POLD3: variants seen among roughly 807,000 people sequenced by gnomAD.
The protein encoded by POLD3 is DNA polymerase delta subunit 3.
POLD3 carries 19 observed loss-of-function variants against 58.2 expected under a neutral mutation model. The observed-to-expected ratio is 0.33, with a 90% CI of 0.23 to 0.48. The LOEUF (loss-of-function observed/expected upper bound fraction) is 0.48, where lower values mean the gene tolerates loss of function less well. POLD3 is among the 20% of genes least tolerant of loss of function. The pLI, the probability that POLD3 is intolerant of heterozygous loss-of-function variation, is 0.99. For synonymous variants in POLD3, 172 were observed against 193.5 expected (o/e 0.89, Z 0.92); for missense variants, 504 against 545.5 (o/e 0.92, Z 0.76).
rs1456446606 is a variant in POLD3, at chr11:74,640,754, C to A, written c.1389C>A (p.Phe463Leu). 2 of 1,589,104 alleles carry A rather than the reference C, an allele frequency of 1.3e-6. No homozygotes were observed. The highest frequency in any genetic ancestry group is 2.7e-5 in the African/African-American group (2 of 73,464). ...ANRQVSITGF[F>L]QRK ...GACAGGTGTCCATTACTGGCTTCTT[C>A]CAGAGGAAATAAACTGCCATCTCTG... Residue 463 changes from phenylalanine to leucine, a missense_variant, in exon 12 of 12, where the codon TTC becomes TTA. By Grantham distance (22) the Phe-to-Leu change is conservative (BLOSUM62 0). Coordinates refer to ENST00000263681, the MANE Select transcript of POLD3 (RefSeq NM_006591.3).
chr11:74,640,479 G>T, intron 11 of POLD3, 85 bp from the exon 12 acceptor site: 1 of 1,434,252 alleles, frequency 7.0e-7, no homozygotes, highest in Non-Finnish European at 9.2e-7. Flanking sequence ...AGTCTGAAAT[G>T]ATTGGGGTTA....
At chr11:74,595,289 G>A (rs1362742841) in intron 2 of POLD3, 1 of 149,150 alleles carries the variant, frequency 6.7e-6, no homozygotes, top group African/African-American at 2.5e-5. Flanking sequence ...CACCACACCT[G>A]GCAAAAACTT....
chr11:74,617,811 T>C (rs567303339), intron 5 of POLD3, among the ~76,000 whole-genome samples: 7 of 152,334 alleles, frequency 4.6e-5, no homozygotes, highest in African/African-American at 1.7e-4. Flanking sequence ...CTTGACCTCC[T>C]GGATTCAGGT....
At position 74,641,128 on chromosome 11, in the gene POLD3, G is replaced by C; in HGVS notation, c.*362G>C. The C allele has an allele frequency of 2.0e-6, 2 of 997,476 alleles. No homozygotes were observed. Among genetic ancestry groups the C allele is most frequent in the Non-Finnish European group, 2.4e-6 (2 of 838,260 alleles). The allele number at this position is 997,476 out of a possible 1,614,324, so 61.8% of individuals were successfully genotyped here. ...ATGCCCTGGTCCGCATATGGCACAGGAATTATTCCTTCTTGTTCCTCTGTA... is the reference window on the plus strand; with the variant it reads ...ATGCCCTGGTCCGCATATGGCACAGCAATTATTCCTTCTTGTTCCTCTGTA... On this transcript the variant is annotated 3_prime_UTR_variant, in exon 12 of 12. Transcript: ENST00000263681.
chr11:74,597,027 T>C (rs1372979851), intron 2 of POLD3, among the ~76,000 whole-genome samples: 2 of 152,252 alleles, frequency 1.3e-5, no homozygotes, highest in Non-Finnish European at 2.9e-5. Flanking sequence ...ATTCCATATC[T>C]TGGCTGTTGT....
chr11:74,640,969 C>A lies in POLD3; in HGVS notation c.*203C>A. 1 of 1,256,490 alleles carries A rather than the reference C, an allele frequency of 8.0e-7. No homozygotes were observed. The allele number at this position is 1,256,490 out of a possible 1,614,324, so 77.8% of individuals were successfully genotyped here. On this transcript the variant is annotated 3_prime_UTR_variant, in exon 12 of 12. Transcript: ENST00000263681. ...GAAGCAGGAGGCAAAAAGCTGTTAC[C>A]TTCTAATGACATTTAAAAAGCACAG... is the stretch of plus-strand genomic sequence containing the variant.
At chr11:74,597,916 A>G (rs2031335250) in intron 2 of POLD3, among the ~76,000 whole-genome samples, 1 of 152,148 alleles carries the variant, frequency 6.6e-6, no homozygotes, top group African/African-American at 2.4e-5. Context: ...TCTTTATAAA[A>G]AGTTTTTTTA....
chr11:74,664,508 T>G (rs2033242800), intron 4 of POLD3, among the ~76,000 whole-genome samples: 1 of 152,036 alleles, frequency 6.6e-6, no homozygotes, highest in Non-Finnish European at 1.5e-5. Flanking sequence ...CTTCCAAAAA[T>G]TAGAAGAGGA....
At chr11:74,596,315 C>A (rs766717311) in intron 2 of POLD3, among the ~76,000 whole-genome samples, 5 of 151,394 alleles carry the variant, frequency 3.3e-5, no homozygotes, top group Non-Finnish European at 7.4e-5. Context: ...TCCGAGGTAG[C>A]TGGGACTACA....
At chr11:74,613,165 G>A (rs2031971583) in intron 5 of POLD3, among the ~76,000 whole-genome samples, 155 bp downstream of exon 5, 1 of 151,978 alleles carries the variant, frequency 6.6e-6, no homozygotes, top group Admixed American at 6.6e-5. Flanking sequence ...ACATCATAAG[G>A]TGAAAAATAG....
chr11:74,611,475 T>C, intron 3 of POLD3, 24 bp from the exon 4 acceptor site: 3 of 1,431,518 alleles, frequency 2.1e-6, no homozygotes, highest in Non-Finnish European at 2.9e-6. Context: ...CATTAAGCAC[T>C]AATAAAGTGT....
chr11:74,639,688 A>G (rs1325202736), intron 11 of POLD3, among the ~76,000 whole-genome samples: 2 of 152,188 alleles, frequency 1.3e-5, no homozygotes, highest in Non-Finnish European at 2.9e-5. Context: ...GGAAGCCACT[A>G]TCTGTGCCTG....
At chr11:74,610,595 A>C (rs1415763970) in intron 3 of POLD3, among the ~76,000 whole-genome samples, 1 of 150,426 alleles carries the variant, frequency 6.6e-6, no homozygotes, top group East Asian at 1.9e-4. Context: ...TGTAAGTTGC[A>C]GTTTTTTTCC....
chr11:74,595,793 T>A (rs1183338220), intron 2 of POLD3, among the ~76,000 whole-genome samples: 1 of 152,102 alleles, frequency 6.6e-6, no homozygotes, highest in African/African-American at 2.4e-5. Context: ...AATTTTTAAA[T>A]TTTTTGTAGA....
intron 10 of POLD3, among the ~76,000 whole-genome samples, chr11:74,635,684 AAAAC>A (rs906310310): frequency 1.3e-4 from 20 of 152,222 alleles, no homozygotes; most frequent in African/African-American, 4.8e-4. Context: ...TTGTCTCTAA[AAAAC>A]AAACAAACAA....
In POLD3 at chr11:74,624,163, C is replaced by T. The variant is rs183784115; in HGVS notation, c.734-1245C>T. Among the ~76,000 whole-genome samples, 63 of 152,252 alleles carry T rather than the reference C, an allele frequency of 4.1e-4. 1 individual carries two copies. In the South Asian group the frequency reaches 6.6e-3, roughly 16 times the overall value. ...AAAATTTGCATAAATTTTAAAGCTA[C>T]ACATGTGACTCCAGTGAACTGTATT... On this transcript the variant is annotated intron_variant, in intron 7 of 11. Coordinates refer to ENST00000263681, the MANE Select transcript of POLD3 (RefSeq NM_006591.3).
chr11:74,625,898 T>TGTG (rs2135161304), intron 8 of POLD3, among the ~76,000 whole-genome samples: 1 of 152,062 alleles, frequency 6.6e-6, no homozygotes, highest in East Asian at 1.9e-4. Flanking sequence ...TGTGTGTGTG[T>TGTG]GTGTGTGTTT....
At position 74,618,518 on chromosome 11, in the gene POLD3, G is replaced by T; in HGVS notation, c.393-19G>T. 1.3e-6 allele frequency: 2 copies of T among 1,571,334 alleles called. No individual in the cohort carries two copies. The highest frequency in any genetic ancestry group is 1.2e-5 in the South Asian group (1 of 86,796). On this transcript the variant is annotated intron_variant, in intron 5 of 11. Coordinates refer to ENST00000263681, the MANE Select transcript of POLD3 (RefSeq NM_006591.3). ...ATGCATATGCTGACATTAACTTAAT[G>T]TAACATTTCTGTCCCCAGATTTAGT...
At position 74,592,637 on chromosome 11, in the gene POLD3, C is replaced by G; in HGVS notation, c.-22C>G. ...CTGTGATTGAGAGAGGGGTTAGAGG[C>G]GGGTCCCAGCGCTGCCGCACCATGG... On this transcript the variant is annotated 5_prime_UTR_variant, in exon 1 of 12. Transcript: ENST00000263681. The G allele has an allele frequency of 3.1e-6, 5 of 1,599,984 alleles. No homozygotes were observed. The highest frequency in any genetic ancestry group is 4.3e-6 in the Non-Finnish European group (5 of 1,172,304).
Sources: gnomAD v4.1 joint callset for allele counts (sites outside exome capture counted in the v4.1 genomes callset) on GRCh38, gnomAD v4.1.1 for gene constraint, MANE v1.5 for transcripts, NCBI Gene and HGNC (gene_info 2026-07-23, HGNC 2026-07-21) for gene names.